Variants in RAD17 observed in about 807,000 individuals in gnomAD.
RAD17 encodes cell cycle checkpoint protein RAD17.
RAD17 carries 31 observed loss-of-function variants against 81.5 expected under a neutral mutation model. That is an observed-to-expected ratio of 0.38 (90% CI 0.29 to 0.51). The LOEUF (loss-of-function observed/expected upper bound fraction) is 0.51, where lower values mean the gene tolerates loss of function less well. Ranked by LOEUF, RAD17 falls within the 20% of genes least tolerant of loss-of-function variation. The pLI, the probability that RAD17 is intolerant of heterozygous loss-of-function variation, is 0.88. For synonymous variants in RAD17, 261 were observed against 266.2 expected (o/e 0.98, Z 0.19); for missense variants, 681 against 781.2 (o/e 0.87, Z 1.53).
In RAD17 at chr5:69,393,245, GTTCT is replaced by G; in HGVS notation, c.1275+8_1275+11del. The G allele has an allele frequency of 6.3e-7, 1 of 1,595,340 alleles. No homozygotes were observed. The highest frequency in any genetic ancestry group is 8.6e-7 in the Non-Finnish European group (1 of 1,164,486). On this transcript the variant is annotated splice_donor_region_variant and intron_variant, in intron 14 of 18. Coordinates refer to ENST00000354868, the MANE Select transcript of RAD17 (RefSeq NM_133338.3). Reference sequence around the variant, plus strand: ...ACATTACTTGTTGAACCTGAGGTAAGTTCTTTGATGACACTTAGTATAGGTTACA... The same window carrying G: ...ACATTACTTGTTGAACCTGAGGTAAGTTGATGACACTTAGTATAGGTTACA...
chr5:69,396,010 C>T (rs1217709253), intron 15 of RAD17, among the ~76,000 whole-genome samples: 2 of 152,030 alleles, frequency 1.3e-5, no homozygotes, highest in Admixed American at 6.6e-5. Flanking sequence ...ATTTTAGTTT[C>T]AATTATATTT....
At chr5:69,406,427 G>A (rs1324905999) in intron 17 of RAD17, among the ~76,000 whole-genome samples, 2 of 152,144 alleles carry the variant, frequency 1.3e-5, no homozygotes, top group Non-Finnish European at 2.9e-5. Flanking sequence ...ATTTTGTTAT[G>A]TAGGAGGAAT....
chr5:69,377,441 A>G (rs28412286), intron 6 of RAD17, among the ~76,000 whole-genome samples: 1,556 of 7,718 alleles, frequency 0.2, 34 homozygotes, highest in Non-Finnish European at 0.3. Context: ...GTGTGTGTGT[A>G]TATATATATA....
At chr5:69,411,165 C>T (rs1286710018) in intron 18 of RAD17, among the ~76,000 whole-genome samples, 1 of 151,686 alleles carries the variant, frequency 6.6e-6, no homozygotes, top group Non-Finnish European at 1.5e-5. Flanking sequence ...AATCCCAGCA[C>T]TTTGGGAGCC....
Position 69,374,320 on chromosome 5 carries a change from C to G in RAD17, c.267+233C>G, listed in dbSNP as rs116738967. Among the ~76,000 whole-genome samples, 979 of 152,152 alleles carry G rather than the reference C, an allele frequency of 6.4e-3. 3 individuals carry two copies. Among genetic ancestry groups the G allele is most frequent in the Non-Finnish European group, 0.011 (737 of 67,980 alleles). On this transcript the variant is annotated intron_variant, in intron 5 of 18. Coordinates refer to ENST00000354868, the MANE Select transcript of RAD17 (RefSeq NM_133338.3). ...AATTTAATCCCAACATAGAATTGAT[C>G]TTTTTAAAAATTTTTGTACTAAATG... is the stretch of plus-strand genomic sequence containing the variant.
At chr5:69,369,500 C>G (rs376649410), upstream of RAD17, 1 of 1,611,534 alleles carries the variant, frequency 6.2e-7, no homozygotes, top group Non-Finnish European at 8.5e-7. Context: ...TGGTCCCCGC[C>G]GCGACGGCTT....
chr5:69,385,270 T>G (rs1764135857), intron 8 of RAD17, among the ~76,000 whole-genome samples: 1 of 147,572 alleles, frequency 6.8e-6, no homozygotes, highest in Non-Finnish European at 1.5e-5. Context: ...TAAAATCTTT[T>G]TTTTTTTTTT....
chr5:69,386,646 T>C (rs17229936), intron 11 of RAD17, among the ~76,000 whole-genome samples, 181 bp downstream of exon 11: 5 of 152,324 alleles, frequency 3.3e-5, no homozygotes, highest in Admixed American at 6.5e-5. Context: ...TTAACATTTT[T>C]CTACTATTAA....
intron 17 of RAD17, among the ~76,000 whole-genome samples, chr5:69,407,407 C>T (rs1765672371): frequency 6.6e-6 from 1 of 151,954 alleles, no homozygotes; most frequent in Admixed American, 6.6e-5. Flanking sequence ...CTTTTATTTA[C>T]TATGTCATTT....
chr5:69,379,162 G>A (rs1763692625), intron 6 of RAD17, among the ~76,000 whole-genome samples: 1 of 152,110 alleles, frequency 6.6e-6, no homozygotes, highest in South Asian at 2.1e-4. Flanking sequence ...CTTGAAAGCG[G>A]GTGGCGGAAG....
At chr5:69,402,364 T>A (rs1482182024) in intron 17 of RAD17, among the ~76,000 whole-genome samples, 1 of 151,934 alleles carries the variant, frequency 6.6e-6, no homozygotes, top group African/African-American at 2.4e-5. Context: ...GTTTTTAAAC[T>A]TTATTTTGAA....
At chr5:69,402,132 C>T (rs1765313275) in intron 17 of RAD17, among the ~76,000 whole-genome samples, 1 of 149,014 alleles carries the variant, frequency 6.7e-6, no homozygotes, top group Non-Finnish European at 1.5e-5. Flanking sequence ...ACTGCAACCT[C>T]TGCCTCCCAG....
Position 69,384,785 on chromosome 5 carries a change from G to A in RAD17, c.509-12G>A. ...TTGTTGAAAATAAAAGTGGTTATGT[G>A]TTTCCTTTCAGAATCAAGCTTCCAT... On this transcript the variant is annotated splice_polypyrimidine_tract_variant and intron_variant, in intron 7 of 18. Transcript: ENST00000354868. 6.3e-7 allele frequency: 1 copy of A among 1,596,534 alleles called. No individual in the cohort carries two copies. Among genetic ancestry groups the A allele is most frequent in the Non-Finnish European group, 8.5e-7 (1 of 1,171,778 alleles).
At chr5:69,413,140 G>A (rs895637918) in intron 18 of RAD17, among the ~76,000 whole-genome samples, 3 of 151,326 alleles carry the variant, frequency 2.0e-5, no homozygotes, top group Non-Finnish European at 4.4e-5. Context: ...TTTTTAATTT[G>A]TAAAAATTCT....
intron 17 of RAD17, among the ~76,000 whole-genome samples, chr5:69,401,067 A>C (rs1031837843): frequency 6.6e-6 from 1 of 151,900 alleles, no homozygotes; most frequent in Non-Finnish European, 1.5e-5. Context: ...AAAATTAGCC[A>C]GGCGTGGTGG....
rs772961673 is a variant in RAD17 at position 69,414,197 on chromosome 5, A to C, written c.1918A>C (p.Ser640Arg). The stretch of plus-strand genomic sequence containing the variant: ...TCTTCCTTTGAGTCAGAATAGTGCC[A>C]GTGAACTGCCTGCTAGCCAGCCCCA... ...WSLPLSQNSA[S>R]ELPASQPQPF... The change falls in exon 19 of 19, where the codon AGT becomes CGT. Residue 640 changes from serine to arginine, a missense_variant. Coordinates refer to ENST00000354868, the MANE Select transcript of RAD17 (RefSeq NM_133338.3). 3 of 1,614,156 alleles carry C rather than the reference A, an allele frequency of 1.9e-6. No homozygotes were observed. In the African/African-American group the frequency reaches 4.0e-5, roughly 22 times the overall value.
intron 18 of RAD17, among the ~76,000 whole-genome samples, chr5:69,410,957 A>ATATC (rs1765934405): frequency 1.5e-4 from 4 of 26,782 alleles, no homozygotes; most frequent in Admixed American, 4.6e-4. Context: ...CAAAAAATAG[A>ATATC]TGTCTGTCTA....
At chr5:69,372,275 T>C in intron 4 of RAD17, 58 bp downstream of exon 4, 2 of 1,359,946 alleles carry the variant, frequency 1.5e-6, no homozygotes, top group Non-Finnish European at 2.1e-6. Context: ...CTGCCGATAA[T>C]ATTCCTAACT....
intron 17 of RAD17, among the ~76,000 whole-genome samples, chr5:69,409,733 G>C (rs1319183359): frequency 2.0e-5 from 3 of 152,122 alleles, no homozygotes; most frequent in Non-Finnish European, 4.4e-5. Flanking sequence ...GAATTCTACA[G>C]TGCAGTAGTG....
Sources: allele counts gnomAD v4.1 joint callset (sites outside exome capture counted in the v4.1 genomes callset), GRCh38; gene constraint gnomAD v4.1.1; transcripts MANE v1.5; gene names NCBI Gene and HGNC (gene_info 2026-07-23, HGNC 2026-07-21).